The following TP53BP2 variants were observed in gnomAD, a reference collection of about 807,000 sequenced individuals.
TP53BP2 encodes the protein tumor protein p53 binding protein 2, also known as apoptosis-stimulating of p53 protein 2.
In TP53BP2, 62 loss-of-function variants were observed where a neutral mutation model predicts 126.2. The ratio of observed to expected loss-of-function variants is 0.49; its 90% confidence interval spans 0.40 to 0.61. The LOEUF (loss-of-function observed/expected upper bound fraction) is 0.61. Among genes scored for constraint, TP53BP2 ranks in the 20% least tolerant of loss-of-function variants. The probability of loss-of-function intolerance (pLI) is 0.00; values close to 1 mark genes in which losing one functional copy is unlikely to be tolerated. For synonymous variants in TP53BP2, 485 were observed against 502.9 expected (o/e 0.96, Z 0.48); for missense variants, 1,215 against 1,402.8 (o/e 0.87, Z 2.14).
At chr1:223,814,918 G>A (rs1425885355) in intron 2 of TP53BP2, among the ~76,000 whole-genome samples, 2 of 151,942 alleles carry the variant, frequency 1.3e-5, no homozygotes, top group Non-Finnish European at 2.9e-5. Context: ...CCCTCTTCCA[G>A]TGAGAATACC....
At chr1:223,786,645 T>C (rs1395254548) in intron 16 of TP53BP2, among the ~76,000 whole-genome samples, 7 of 150,952 alleles carry the variant, frequency 4.6e-5, no homozygotes, top group Admixed American at 3.3e-4. Flanking sequence ...CTCGCTCTGT[T>C]GCCCAGGCTG....
chr1:223,824,877 A>G (rs1663433619), intron 1 of TP53BP2, among the ~76,000 whole-genome samples: 1 of 151,288 alleles, frequency 6.6e-6, no homozygotes, highest in South Asian at 2.1e-4. Flanking sequence ...CCCAGGTGGG[A>G]GCCTCTGTAC....
chr1:223,830,347 C>T (rs1017630455), intron 1 of TP53BP2, among the ~76,000 whole-genome samples: 1 of 152,028 alleles, frequency 6.6e-6, no homozygotes, highest in African/African-American at 2.4e-5. Flanking sequence ...GGATGCTCAA[C>T]CTGTAGTAAA....
intron 15 of TP53BP2, among the ~76,000 whole-genome samples, chr1:223,791,714 A>G (rs1401146974): frequency 1.3e-5 from 2 of 152,214 alleles, no homozygotes; most frequent in African/African-American, 4.8e-5. Context: ...AAAATCCTAT[A>G]AAGAAAAAAG....
intron 1 of TP53BP2, among the ~76,000 whole-genome samples, chr1:223,824,950 T>A (rs1663436646): frequency 6.6e-6 from 1 of 151,714 alleles, no homozygotes; most frequent in African/African-American, 2.4e-5. Flanking sequence ...CTTCCTCATC[T>A]CCGTCACGCC....
chr1:223,810,518 G>C lies in TP53BP2; in HGVS notation c.290-5C>G. The C allele has an allele frequency of 6.3e-7, 1 of 1,591,898 alleles. No homozygotes were observed. The highest frequency in any genetic ancestry group is 1.3e-5 in the African/African-American group (1 of 74,402). On this transcript the variant is annotated splice_region_variant and splice_polypyrimidine_tract_variant and intron_variant, in intron 3 of 17. Coordinates refer to ENST00000343537, the MANE Select transcript of TP53BP2 (RefSeq NM_001031685.3). ...CCTGAGATCTTGGTCCACTCACTAA[G>C]GACAAAATTCAAAAACTATGCATTA...
intron 8 of TP53BP2, 130 bp downstream of exon 8, chr1:223,802,601 T>G: frequency 8.7e-7 from 1 of 1,154,506 alleles, no homozygotes; most frequent in Non-Finnish European, 1.2e-6. Context: ...CTTTTAAGGA[T>G]CCATAAACAG....
At chr1:223,791,697 A>G (rs1273655315) in intron 15 of TP53BP2, among the ~76,000 whole-genome samples, 4 of 152,244 alleles carry the variant, frequency 2.6e-5, no homozygotes, top group African/African-American at 7.2e-5. Flanking sequence ...TGTGATTACA[A>G]CTTTTTAAAA....
chr1:223,826,081 C>T (rs921105133), intron 1 of TP53BP2: 1 of 152,210 alleles, frequency 6.6e-6, no homozygotes, highest in African/African-American at 2.4e-5. Context: ...AGGACACAGC[C>T]CAGCTAAGGT....
chr1:223,782,732 C>T (rs1310769106), intron 17 of TP53BP2, among the ~76,000 whole-genome samples: 2 of 152,102 alleles, frequency 1.3e-5, no homozygotes, highest in East Asian at 3.9e-4. Flanking sequence ...GGATTACAGG[C>T]GTGAGCCACT....
intron 4 of TP53BP2, among the ~76,000 whole-genome samples, chr1:223,808,400 G>A (rs1415893302): frequency 2.0e-5 from 3 of 152,028 alleles, no homozygotes; most frequent in Non-Finnish European, 4.4e-5. Context: ...AACTAGCTGG[G>A]CATGGTGGCA....
At chr1:223,815,825 GT>G (rs1157136190) in intron 2 of TP53BP2, among the ~76,000 whole-genome samples, 1 of 152,200 alleles carries the variant, frequency 6.6e-6, no homozygotes, top group East Asian at 1.9e-4. Flanking sequence ...GTACCACTGT[GT>G]TACAACTGCC....
At chr1:223,826,394 T>C (rs568013148) in intron 1 of TP53BP2, among the ~76,000 whole-genome samples, 50 of 152,320 alleles carry the variant, frequency 3.3e-4, no homozygotes, top group African/African-American at 1.2e-3. Context: ...TCAGGTGATG[T>C]TGATACTGCC....
intron 12 of TP53BP2, 108 bp downstream of exon 12, chr1:223,798,107 C>T: frequency 1.8e-6 from 2 of 1,112,856 alleles, no homozygotes; most frequent in Non-Finnish European, 2.6e-6. Context: ...GTTAAAAACC[C>T]TTAGCGTCAG....
intron 11 of TP53BP2, among the ~76,000 whole-genome samples, 182 bp downstream of exon 11, chr1:223,799,717 G>A (rs539565631): frequency 1.7e-4 from 26 of 152,102 alleles, no homozygotes; most frequent in Non-Finnish European, 3.1e-4. Context: ...TTCTCCCACC[G>A]GGTGTGAGAG....
chr1:223,787,235 A>G (rs1387743807), intron 16 of TP53BP2, among the ~76,000 whole-genome samples: 1 of 152,138 alleles, frequency 6.6e-6, no homozygotes, highest in Non-Finnish European at 1.5e-5. Context: ...TAACGCCCAT[A>G]ACTTCAGCAC....
chr1:223,828,890 G>A (rs1269734220), intron 1 of TP53BP2, among the ~76,000 whole-genome samples: 3 of 152,074 alleles, frequency 2.0e-5, no homozygotes, highest in Admixed American at 6.5e-5. Context: ...AAAATGTTCT[G>A]TAATTAGTGG....
intron 3 of TP53BP2, among the ~76,000 whole-genome samples, chr1:223,812,547 T>TTTGTTG (rs574437302): frequency 1.4e-4 from 22 of 151,776 alleles, no homozygotes; most frequent in Admixed American, 5.3e-4. Context: ...ATTTTTGTTT[T>TTTGTTG]TTGTTGTTGT....
intron 1 of TP53BP2, chr1:223,825,889 T>C (rs1241727100): frequency 1.3e-5 from 2 of 152,134 alleles, no homozygotes; most frequent in African/African-American, 4.8e-5. Flanking sequence ...ACCTACCAGA[T>C]GGCAAGGGAA....
Sources: gnomAD v4.1 joint callset for allele counts (sites outside exome capture counted in the v4.1 genomes callset) on GRCh38, gnomAD v4.1.1 for gene constraint, MANE v1.5 for transcripts, NCBI Gene and HGNC (gene_info 2026-07-23, HGNC 2026-07-21) for gene names.